ABCC1: variants seen among roughly 807,000 people sequenced by gnomAD.
The protein encoded by ABCC1 is multidrug resistance-associated protein 1.
ABCC1 carries 83 observed loss-of-function variants against 172.9 expected under a neutral mutation model. The observed-to-expected ratio is 0.48, with a 90% CI of 0.40 to 0.58. ABCC1 has a LOEUF of 0.58. Ranked by LOEUF, ABCC1 falls within the 20% of genes least tolerant of loss-of-function variation. The pLI is 0.00. For missense variants in ABCC1, 1,817 were observed against 2,002.7 expected, an observed-to-expected ratio of 0.91 and a Z score of 1.77; for synonymous variants, 937 against 825.2, an observed-to-expected ratio of 1.14 and a Z score of -2.32.
intron 21 of ABCC1, among the ~76,000 whole-genome samples, chr16:16,108,260 C>T (rs1158682167): frequency 7.9e-6 from 1 of 127,218 alleles, no homozygotes; most frequent in South Asian, 2.9e-4. Flanking sequence ...ACACGCTTAT[C>T]GTTTCTTTGT....
chr16:16,006,915 ATGGTGGTGATGG>A (rs1421452326), intron 1 of ABCC1, among the ~76,000 whole-genome samples: 1 of 75,956 alleles, frequency 1.3e-5, no homozygotes, highest in Non-Finnish European at 3.0e-5. Flanking sequence ...GGTGATGATG[ATGGTGGTGATGG>A]TGGTGATGGT....
chr16:16,042,716 A>T (rs1269801696), intron 7 of ABCC1, among the ~76,000 whole-genome samples: 2 of 152,060 alleles, frequency 1.3e-5, no homozygotes, highest in Non-Finnish European at 2.9e-5. Context: ...AAAAAAAAAA[A>T]AAATCCCTAT....
chr16:16,038,116 G>A (rs1404297882), intron 7 of ABCC1, among the ~76,000 whole-genome samples: 5 of 151,994 alleles, frequency 3.3e-5, no homozygotes, highest in Admixed American at 2.0e-4. Context: ...GATGATAGAC[G>A]GATAGTTGGT....
chr16:16,128,171 A>G (rs1294790373), intron 26 of ABCC1, among the ~76,000 whole-genome samples: 1 of 76,238 alleles, frequency 1.3e-5, no homozygotes, highest in Non-Finnish European at 2.7e-5. Flanking sequence ...GCGTTCAGTT[A>G]GATTGAATTC....
intron 1 of ABCC1, among the ~76,000 whole-genome samples, chr16:15,974,026 T>A (rs1329085131): frequency 6.6e-6 from 1 of 152,088 alleles, no homozygotes; most frequent in Non-Finnish European, 1.5e-5. Context: ...ATGTCCCTTA[T>A]AGAGACTGGT....
intron 26 of ABCC1, among the ~76,000 whole-genome samples, chr16:16,126,138 ACTGTGGGATG>A (rs780659711): frequency 8.5e-5 from 13 of 152,136 alleles, no homozygotes; most frequent in Non-Finnish European, 1.6e-4. Flanking sequence ...CATATACGAG[ACTGTGGGATG>A]CTGTCAGGGC....
intron 23 of ABCC1, among the ~76,000 whole-genome samples, chr16:16,117,135 A>G (rs2044918445): frequency 6.6e-6 from 1 of 152,172 alleles, no homozygotes; most frequent in African/African-American, 2.4e-5. Flanking sequence ...GTTTGTCCTC[A>G]TACTGCTATG....
intron 1 of ABCC1, among the ~76,000 whole-genome samples, chr16:16,004,529 C>T (rs766849682): frequency 4.6e-5 from 7 of 152,082 alleles, no homozygotes; most frequent in Non-Finnish European, 8.8e-5. Context: ...CCACGATCAA[C>T]TTCTTCTTTA....
In ABCC1 at chr16:15,953,215, A is replaced by G. The variant is rs529957711; in HGVS notation, c.48+3416A>G. 3.8e-4 allele frequency among the ~76,000 whole-genome samples: 58 copies of G among 151,904 alleles called. 1 individual carries two copies. The highest frequency in any genetic ancestry group is 1.3e-3 in the African/African-American group (55 of 41,392). ...GCTGGGCCTGGTGATTCACGCCTGTAATTCCAGCTACTTGGGAGGCTGAGG... is the reference window on the plus strand; with the variant it reads ...GCTGGGCCTGGTGATTCACGCCTGTGATTCCAGCTACTTGGGAGGCTGAGG... On this transcript the variant is annotated intron_variant, in intron 1 of 30. Coordinates refer to ENST00000399410, the MANE Select transcript of ABCC1 (RefSeq NM_004996.4).
chr16:16,075,228 A>T (rs1304239599), intron 14 of ABCC1, among the ~76,000 whole-genome samples: 1 of 152,000 alleles, frequency 6.6e-6, no homozygotes. Flanking sequence ...TACAGGCATG[A>T]GCCCCTGCGA....
At chr16:16,040,374 A>AC (rs1567339216) in intron 7 of ABCC1, among the ~76,000 whole-genome samples, 1 of 151,488 alleles carries the variant, frequency 6.6e-6, no homozygotes, top group Admixed American at 6.6e-5. Flanking sequence ...TGCAACCTCC[A>AC]CCCCCCGGGT....
chr16:16,045,940 A>C lies in ABCC1; in HGVS notation c.1145A>C (p.His382Pro). The change falls in exon 9 of 31, where the codon CAC becomes CCC. Residue 382 changes from histidine (H) to proline (P), a missense_variant. This residue lies in a region of ABCC1 where 1,412 missense variants were observed against 1,600.3 expected (regional missense o/e 0.88). Coordinates refer to ENST00000399410, the MANE Select transcript of ABCC1 (RefSeq NM_004996.4). ...GCCTGCCTGCAGACCCTCGTGCTGC[A>C]CCAGTACTTCCACATCTGCTTCGTC... ...VTACLQTLVL[H>P]QYFHICFVSG... 5 of 1,614,180 alleles carry C rather than the reference A, an allele frequency of 3.1e-6. No individual in the cohort carries two copies. The highest frequency in any genetic ancestry group is 4.2e-6 in the Non-Finnish European group (5 of 1,180,044).
At chr16:15,953,123 G>A (rs911325059) in intron 1 of ABCC1, among the ~76,000 whole-genome samples, 10 of 152,102 alleles carry the variant, frequency 6.6e-5, no homozygotes, top group Non-Finnish European at 1.3e-4. Flanking sequence ...ATCACCTGAG[G>A]TCAGGGGTTC....
intron 18 of ABCC1, 43 bp from the exon 19 acceptor site, chr16:16,090,362 A>C (rs1296915988): frequency 2.6e-6 from 4 of 1,513,132 alleles, no homozygotes; most frequent in African/African-American, 2.8e-5. Flanking sequence ...AGGCAGTCTC[A>C]CACATGTGCA....
At chr16:15,956,635 C>G (rs191993628) in intron 1 of ABCC1, among the ~76,000 whole-genome samples, 12 of 152,130 alleles carry the variant, frequency 7.9e-5, no homozygotes, top group Admixed American at 5.2e-4. Flanking sequence ...CTGCACTTGG[C>G]CTAACTCATA....
At chr16:15,953,702 G>A (rs2045927071) in intron 1 of ABCC1, among the ~76,000 whole-genome samples, 1 of 152,160 alleles carries the variant, frequency 6.6e-6, no homozygotes, top group East Asian at 1.9e-4. Flanking sequence ...GTGTGTCACC[G>A]TCGATGGAGT....
chr16:15,995,516 G>T (rs913586109), intron 1 of ABCC1, among the ~76,000 whole-genome samples: 1 of 151,596 alleles, frequency 6.6e-6, no homozygotes, highest in Non-Finnish European at 1.5e-5. Context: ...ACATAGAGTT[G>T]TTTTTTTTAG....
At chr16:16,063,231 C>T (rs758736702) in intron 12 of ABCC1, among the ~76,000 whole-genome samples, 8 of 152,152 alleles carry the variant, frequency 5.3e-5, no homozygotes, top group South Asian at 4.1e-4. Context: ...CTCAGCCTCC[C>T]GAAGAGCTGG....
At chr16:16,011,893 TC>T (rs982177658) in intron 3 of ABCC1, among the ~76,000 whole-genome samples, 40 of 152,202 alleles carry the variant, frequency 2.6e-4, no homozygotes, top group African/African-American at 8.7e-4. Flanking sequence ...GGTCTCGAAC[TC>T]CGGACCTCAG....
Sources: allele counts gnomAD v4.1 joint callset (sites outside exome capture counted in the v4.1 genomes callset), GRCh38; gene constraint gnomAD v4.1.1; regional missense constraint gnomAD v4.1.1; transcripts MANE v1.5; gene names NCBI Gene and HGNC (gene_info 2026-07-23, HGNC 2026-07-21).